Variants in MAPKAPK5 observed in about 807,000 individuals in gnomAD.
The protein encoded by MAPKAPK5 is MAPK activated protein kinase 5, also known as MAP kinase-activated protein kinase 5.
MAPKAPK5 carries 30 observed loss-of-function variants against 65.1 expected under a neutral mutation model. The observed-to-expected ratio is 0.46, with a 90% CI of 0.34 to 0.63. MAPKAPK5 has a LOEUF of 0.63. MAPKAPK5 is among the 20% of genes least tolerant of loss of function. The pLI is 0.01. For synonymous variants in MAPKAPK5, 179 were observed against 204.6 expected (o/e 0.87, Z 1.07); for missense variants, 433 against 581.4 (o/e 0.74, Z 2.63).
intron 5 of MAPKAPK5, among the ~76,000 whole-genome samples, 187 bp from the exon 6 acceptor site, chr12:111,870,084 C>G (rs1391837906): frequency 6.6e-6 from 1 of 152,212 alleles, no homozygotes; most frequent in African/African-American, 2.4e-5. Flanking sequence ...ATACAAGTTG[C>G]AGTTAAACTA....
At chr12:111,892,850 C>G in intron 13 of MAPKAPK5, 117 bp from the exon 14 acceptor site, 1 of 600,266 alleles carries the variant, frequency 1.7e-6, no homozygotes, top group Non-Finnish European at 2.9e-6. Context: ...GGGGGTGGTT[C>G]CCCCACTGGT....
chr12:111,881,403 C>CTTTTTTTTTTTTTTT (rs61349417), intron 8 of MAPKAPK5, among the ~76,000 whole-genome samples: 1 of 110,724 alleles, frequency 9.0e-6, no homozygotes, highest in African/African-American at 3.4e-5. Context: ...CTGTCTGTTC[C>CTTTTTTTTTTTTTTT]TTTTTTTTTT....
Position 111,868,820 on chromosome 12 carries a change from C to G in MAPKAPK5, c.352C>G (p.Arg118Gly). 1 of 1,567,096 alleles carries G rather than the reference C, an allele frequency of 6.4e-7. No homozygotes were observed. ...GELFHRISQH[R>G]HFTEKQASQV... is the part of the protein sequence containing the mutation. ...GCTATTTCACAGAATCAGCCAGCAC[C>G]GGCACTTTACAGAGAAGCAAGCCAG... Residue 118 changes from arginine (R) to glycine (G), a missense_variant, in exon 5 of 14, where the codon CGG becomes GGG. Arg to Gly is a moderately radical substitution (Grantham distance 125). Transcript: ENST00000550735.
At position 111,883,169 on chromosome 12, in the gene MAPKAPK5, G is replaced by A. The variant is rs1466433713; in HGVS notation, c.661-412G>A. Among the ~76,000 whole-genome samples the A allele has an allele frequency of 6.6e-6, 1 of 151,990 alleles. No homozygotes were observed. The highest frequency in any genetic ancestry group is 1.5e-5 in the Non-Finnish European group (1 of 67,980). ...GGGCAGATCACGAGGTCAGGAGTTC[G>A]AGACCAACCTGACCAACATGGTGAA... On this transcript the variant is annotated intron_variant, in intron 8 of 13. Transcript: ENST00000550735. This position sits in a 1 kb window ranked among gnomAD's most constrained non-coding sequence, Gnocchi z 4.8.
intron 7 of MAPKAPK5, among the ~76,000 whole-genome samples, chr12:111,878,407 T>A (rs1029677259): frequency 1.2e-4 from 18 of 147,140 alleles, no homozygotes; most frequent in Non-Finnish European, 1.6e-4. Context: ...TCTATTTATT[T>A]ATTATTTATT....
At chr12:111,878,147 C>A (rs2070058635) in intron 7 of MAPKAPK5, among the ~76,000 whole-genome samples, 1 of 151,848 alleles carries the variant, frequency 6.6e-6, no homozygotes, top group Non-Finnish European at 1.5e-5. Flanking sequence ...GCAGAAAATT[C>A]TAATTTTCAT....
At chr12:111,851,234 CT>C (rs2069073355) in intron 1 of MAPKAPK5, among the ~76,000 whole-genome samples, 1 of 151,898 alleles carries the variant, frequency 6.6e-6, no homozygotes, top group Non-Finnish European at 1.5e-5. Flanking sequence ...CACAATGCCC[CT>C]GGCCACTGAG....
At chr12:111,873,288 TTGTAA>T (rs2069844070) in intron 7 of MAPKAPK5, among the ~76,000 whole-genome samples, 1 of 152,274 alleles carries the variant, frequency 6.6e-6, no homozygotes, top group African/African-American at 2.4e-5. Flanking sequence ...AAATCATCAT[TTGTAA>T]AAGGATTTGT....
In MAPKAPK5 at chr12:111,888,927, T is replaced by C. The variant is rs760159136; in HGVS notation, c.1143T>C (p.Asn381=). ...GTGTCTATATCCACGACCATGAGAA[T>C]GGAGCCGAGGATTCCAATGTTGCCT... ...KDSVYIHDHE[N]GAEDSNVALE... is the part of the protein sequence containing the mutation. Residue 381 remains asparagine, a synonymous_variant, in exon 12 of 14, where the codon AAT becomes AAC. Coordinates refer to ENST00000550735, the MANE Select transcript of MAPKAPK5 (RefSeq NM_003668.4). 12 of 1,613,326 alleles carry C rather than the reference T, an allele frequency of 7.4e-6. No homozygotes were observed. The highest frequency in any genetic ancestry group is 4.4e-5 in the South Asian group (4 of 90,912).
intron 5 of MAPKAPK5, 134 bp from the exon 6 acceptor site, chr12:111,870,137 A>G: frequency 2.0e-6 from 1 of 490,052 alleles, no homozygotes; most frequent in Non-Finnish European, 3.7e-6. Context: ...GTTTTTCTTA[A>G]TTTCTGCTTT....
chr12:111,851,302 C>G (rs904101910), intron 1 of MAPKAPK5, among the ~76,000 whole-genome samples: 13 of 152,070 alleles, frequency 8.5e-5, no homozygotes, highest in African/African-American at 3.1e-4. Flanking sequence ...CAAACAGTGT[C>G]TCTAATCCAG....
At position 111,901,591 on chromosome 12, in the gene MAPKAPK5, G is replaced by A. The variant is rs1225100077; in HGVS notation, c.*8530G>A. The A allele has an allele frequency of 2.7e-5, 8 of 297,590 alleles. No individual in the cohort carries two copies. Among genetic ancestry groups the A allele is most frequent in the Admixed American group, 2.2e-4 (5 of 22,550 alleles). 18.4% of individuals were successfully genotyped at this position (297,590 alleles called of 1,614,324 possible). A position where few individuals can be genotyped will look rare whatever the true frequency, so the allele number is the denominator to read the frequency against. On this transcript the variant is annotated 3_prime_UTR_variant, in exon 14 of 14. Transcript: ENST00000550735. ...CTCCTCCAGCAGTGGCTCCACCACC[G>A]GCCCCAGAAATAAAGCCAGAAGCAG...
intron 13 of MAPKAPK5, 50 bp downstream of exon 13, chr12:111,890,194 T>A: frequency 7.5e-7 from 1 of 1,331,058 alleles, no homozygotes; most frequent in Non-Finnish European, 1.1e-6. Context: ...CAAGTGATTA[T>A]GTTTAGAACA....
rs112241503 is a variant in MAPKAPK5 at position 111,848,924 on chromosome 12, T to A, written c.36+6155T>A. Among the ~76,000 whole-genome samples the A allele has an allele frequency of 8.4e-3, 1,277 of 151,720 alleles. 18 individuals are homozygous for A. The highest frequency in any genetic ancestry group is 0.029 in the African/African-American group (1,192 of 41,368). On this transcript the variant is annotated intron_variant, in intron 1 of 13. Coordinates refer to ENST00000550735, the MANE Select transcript of MAPKAPK5 (RefSeq NM_003668.4). The stretch of plus-strand genomic sequence containing the variant: ...TTTTGTATTTGTATTTTTATTTTTT[T>A]ATTTATTTTTTGTATTTTTAGTAGA...
chr12:111,872,138 A>G (rs1593158628), intron 7 of MAPKAPK5, among the ~76,000 whole-genome samples: 3 of 152,306 alleles, frequency 2.0e-5, no homozygotes, highest in Admixed American at 2.0e-4. Context: ...GCTGCTAGGA[A>G]CACTTCTTTT....
At position 111,895,087 on chromosome 12, in the gene MAPKAPK5, G is replaced by A. The variant is rs1231772527; in HGVS notation, c.*2026G>A. 1.4e-5 allele frequency: 2 copies of A among 140,122 alleles called. No homozygotes were observed. The highest frequency in any genetic ancestry group is 5.6e-5 in the African/African-American group (2 of 35,652). 8.7% of individuals were successfully genotyped at this position (140,122 alleles called of 1,614,324 possible). On this transcript the variant is annotated 3_prime_UTR_variant, in exon 14 of 14. Coordinates refer to ENST00000550735, the MANE Select transcript of MAPKAPK5 (RefSeq NM_003668.4). ...GTCTTAAGAATTACCTTATTACATT[G>A]CTTCCTTTTTTTTTTTTTTTTTTTT...
chr12:111,888,311 G>T, intron 10 of MAPKAPK5, 177 bp from the exon 11 acceptor site: 1 of 773,616 alleles, frequency 1.3e-6, no homozygotes, highest in Non-Finnish European at 1.9e-6. Flanking sequence ...GGTGTTTCCT[G>T]GTTCCTGTTG....
chr12:111,880,791 A>G (rs1414817470), intron 8 of MAPKAPK5, among the ~76,000 whole-genome samples: 3 of 152,240 alleles, frequency 2.0e-5, no homozygotes, highest in Non-Finnish European at 4.4e-5. Flanking sequence ...TTTGTACCCA[A>G]TTAGCTTTTG....
rs535629644 is a variant in MAPKAPK5 at position 111,888,470 on chromosome 12, G to A, written c.970-18G>A. On this transcript the variant is annotated intron_variant, in intron 10 of 13. Coordinates refer to ENST00000550735, the MANE Select transcript of MAPKAPK5 (RefSeq NM_003668.4). ...CCAGCAATGAATATGAAAAACTGAC[G>A]GCAGTGTTTGCATTCAGGCAGTGGT... The A allele has an allele frequency of 2.4e-5, 39 of 1,611,764 alleles. 1 individual carries two copies. The South Asian group carries it at 3.2e-4, about 13-fold the overall frequency.
Sources: allele counts gnomAD v4.1 joint callset (sites outside exome capture counted in the v4.1 genomes callset), GRCh38; gene constraint gnomAD v4.1.1; non-coding constraint Gnocchi (gnomAD v3.1); transcripts MANE v1.5; gene names NCBI Gene and HGNC (gene_info 2026-07-23, HGNC 2026-07-21).